The following DSCAM variants were observed in gnomAD, a reference collection of about 807,000 sequenced individuals.
The protein encoded by DSCAM is DS cell adhesion molecule, also known as cell adhesion molecule DSCAM.
A neutral mutation model predicts 217.7 loss-of-function variants in DSCAM; 47 were observed. The observed-to-expected ratio is 0.22, with a 90% CI of 0.17 to 0.28. The LOEUF is 0.28. DSCAM is among the 10% of genes least tolerant of loss of function. The pLI is 1.00. For missense variants in DSCAM, 2,080 were observed against 2,618.3 expected, an observed-to-expected ratio of 0.79 and a Z score of 4.49; for synonymous variants, 1,056 against 1,015.3, an observed-to-expected ratio of 1.04 and a Z score of -0.76.
intron 32 of DSCAM, among the ~76,000 whole-genome samples, chr21:40,041,785 T>A (rs2088755417): frequency 6.6e-6 from 1 of 152,180 alleles, no homozygotes; most frequent in African/African-American, 2.4e-5. Flanking sequence ...GACTATATAG[T>A]AAGACCTCTC....
intron 11 of DSCAM, among the ~76,000 whole-genome samples, chr21:40,266,647 A>ATATATATATATATATATT (rs2073534605): frequency 1.7e-5 from 2 of 116,158 alleles, no homozygotes; most frequent in Admixed American, 9.7e-5. Context: ...ATATATATAT[A>ATATATATATATATATATT]TATATATATA....
chr21:40,668,279 G>A (rs1370161329), intron 3 of DSCAM, among the ~76,000 whole-genome samples: 1 of 152,186 alleles, frequency 6.6e-6, no homozygotes, highest in Non-Finnish European at 1.5e-5. Flanking sequence ...AAAAGGTACT[G>A]ATATGCACCA....
chr21:40,353,058 C>CA (rs1398101473), intron 5 of DSCAM, among the ~76,000 whole-genome samples: 1 of 152,174 alleles, frequency 6.6e-6, no homozygotes, highest in Non-Finnish European at 1.5e-5. Flanking sequence ...AGACAAAGGA[C>CA]AACTGCTTTG....
intron 5 of DSCAM, among the ~76,000 whole-genome samples, chr21:40,351,630 G>A (rs1309005781): frequency 6.6e-6 from 1 of 152,140 alleles, no homozygotes; most frequent in Non-Finnish European, 1.5e-5. Flanking sequence ...AGATAGGAAC[G>A]AAGAAGCTGT....
At chr21:40,093,967 A>C in intron 20 of DSCAM, 93 bp from the exon 21 acceptor site, 42 of 1,360,668 alleles carry the variant, frequency 3.1e-5, no homozygotes, top group Non-Finnish European at 4.0e-5. Context: ...ATTAAATATC[A>C]TAACAAAAAA....
At chr21:40,604,813 ACCCAAGTCCCTGGAT>A (rs1319036685) in intron 3 of DSCAM, among the ~76,000 whole-genome samples, 5 of 152,154 alleles carry the variant, frequency 3.3e-5, no homozygotes, top group Admixed American at 2.0e-4. Context: ...CTTGCAGTAT[ACCCAAGTCCCTGGAT>A]TGTGACTTTC....
intron 3 of DSCAM, among the ~76,000 whole-genome samples, chr21:40,557,848 A>G (rs2076684579): frequency 6.6e-6 from 1 of 152,190 alleles, no homozygotes; most frequent in Non-Finnish European, 1.5e-5. Flanking sequence ...AAATGCACTG[A>G]TACATATATA....
At chr21:40,495,898 A>G (rs1258395780) in intron 3 of DSCAM, among the ~76,000 whole-genome samples, 1 of 152,184 alleles carries the variant, frequency 6.6e-6, no homozygotes, top group East Asian at 1.9e-4. Flanking sequence ...GAACTATCCA[A>G]AAAAGTTATC....
intron 9 of DSCAM, among the ~76,000 whole-genome samples, chr21:40,301,834 C>T (rs117038266): frequency 4.1e-4 from 63 of 152,262 alleles, no homozygotes; most frequent in Non-Finnish European, 5.9e-4. Context: ...AAGTTAATAA[C>T]GCAGATCAGG....
At chr21:40,635,474 G>T (rs553768988) in intron 3 of DSCAM, among the ~76,000 whole-genome samples, 1 of 152,144 alleles carries the variant, frequency 6.6e-6, no homozygotes, top group Non-Finnish European at 1.5e-5. Context: ...AAGAAAGAGA[G>T]AGGGAGGCAG....
chr21:40,759,101 A>G (rs577513003), intron 1 of DSCAM, among the ~76,000 whole-genome samples: 1 of 152,270 alleles, frequency 6.6e-6, no homozygotes, highest in African/African-American at 2.4e-5. Flanking sequence ...AGAGAAGGGT[A>G]GAGAGAAGGG....
chr21:40,786,762 T>C (rs1177261101), intron 1 of DSCAM, among the ~76,000 whole-genome samples: 1 of 152,204 alleles, frequency 6.6e-6, no homozygotes, highest in Non-Finnish European at 1.5e-5. Context: ...CTAATCATAA[T>C]AATGGTCGTA....
intron 16 of DSCAM, among the ~76,000 whole-genome samples, chr21:40,166,072 C>G (rs2090591886): frequency 6.6e-6 from 1 of 152,100 alleles, no homozygotes; most frequent in Non-Finnish European, 1.5e-5. Context: ...CATTAACGCC[C>G]GTAATACCAA....
intron 1 of DSCAM, among the ~76,000 whole-genome samples, chr21:40,827,020 G>GGAGAA (rs1040581624): frequency 6.6e-6 from 1 of 152,008 alleles, no homozygotes; most frequent in Non-Finnish European, 1.5e-5. Context: ...GGAAAGGAGA[G>GGAGAA]GAGAAGAGAG....
At chr21:40,097,395 A>C (rs1041839855) in intron 20 of DSCAM, among the ~76,000 whole-genome samples, 1 of 152,172 alleles carries the variant, frequency 6.6e-6, no homozygotes, top group African/African-American at 2.4e-5. Flanking sequence ...TATAGCATAA[A>C]ATAAAGCTAA....
intron 3 of DSCAM, among the ~76,000 whole-genome samples, chr21:40,578,102 G>A (rs13048982): frequency 0.037 from 5,619 of 152,256 alleles, 157 homozygotes; most frequent in Non-Finnish European, 0.065. Flanking sequence ...TGCAAGGATT[G>A]GTGAGTATAT....
At chr21:40,535,730 T>A (rs1341305140) in intron 3 of DSCAM, among the ~76,000 whole-genome samples, 1 of 152,080 alleles carries the variant, frequency 6.6e-6, no homozygotes, top group Non-Finnish European at 1.5e-5. Context: ...GATAAATACA[T>A]AACATGCTAA....
chr21:40,032,935 G>A (rs756780916), intron 32 of DSCAM, among the ~76,000 whole-genome samples: 17 of 152,158 alleles, frequency 1.1e-4, no homozygotes, highest in South Asian at 2.1e-4. Context: ...GGAAAGCATC[G>A]GCATGTTTAC....
At chr21:40,444,193 C>T (rs2075655733) in intron 3 of DSCAM, among the ~76,000 whole-genome samples, 1 of 152,070 alleles carries the variant, frequency 6.6e-6, no homozygotes, top group African/African-American at 2.4e-5. Context: ...TAGATTGTGG[C>T]CAATCTATCA....
Sources: allele counts gnomAD v4.1 joint callset (sites outside exome capture counted in the v4.1 genomes callset), GRCh38; gene constraint gnomAD v4.1.1; transcripts MANE v1.5; gene names NCBI Gene and HGNC (gene_info 2026-07-23, HGNC 2026-07-21).